Variants in SH3BP4 observed in about 807,000 individuals in gnomAD.
The protein encoded by SH3BP4 is SH3 domain binding protein 4.
SH3BP4 carries 33 observed loss-of-function variants against 65.5 expected under a neutral mutation model. That is an observed-to-expected ratio of 0.50 (90% CI 0.38 to 0.67). The LOEUF is 0.67. SH3BP4 is among the 30% of genes least tolerant of loss of function. The pLI is 0.00. For synonymous variants in SH3BP4, 552 were observed against 545.5 expected (o/e 1.01, Z -0.17); for missense variants, 1,134 against 1,261.4 (o/e 0.90, Z 1.53).
At chr2:235,039,494 GAA>G (rs1695567829) in intron 3 of SH3BP4, among the ~76,000 whole-genome samples, 1 of 147,586 alleles carries the variant, frequency 6.8e-6, no homozygotes, top group African/African-American at 2.5e-5. Context: ...AAAAAAAAAA[GAA>G]AGAAAGAAAG....
At chr2:234,998,746 T>C (rs2106279938) in intron 2 of SH3BP4, among the ~76,000 whole-genome samples, 1 of 152,332 alleles carries the variant, frequency 6.6e-6, no homozygotes, top group East Asian at 1.9e-4. Context: ...TGGCTACCAC[T>C]AATTGGTTTA....
In SH3BP4 at chr2:235,045,688, G is replaced by A. The variant is rs903458397; in HGVS notation, c.2478+2441G>A. On this transcript the variant is annotated intron_variant, in intron 4 of 5. Transcript: ENST00000392011. The surrounding 1 kb of genome is among the most constrained non-coding windows in gnomAD (Gnocchi z 4.3). The stretch of plus-strand genomic sequence containing the variant: ...ACCACAGACGGATTTCTCCCAGGTC[G>A]TTTATTAGGAGACCCTGAAAACTGG... 2.0e-5 allele frequency among the ~76,000 whole-genome samples: 3 copies of A among 151,338 alleles called. No homozygotes were observed. The highest frequency in any genetic ancestry group is 4.4e-5 in the Non-Finnish European group (3 of 67,952).
chr2:234,969,535 C>T (rs1692925552), intron 1 of SH3BP4, among the ~76,000 whole-genome samples: 1 of 152,354 alleles, frequency 6.6e-6, no homozygotes, highest in South Asian at 2.1e-4. Flanking sequence ...CAGTTGTCGC[C>T]TTCCAGCTAT....
At chr2:234,975,987 T>C (rs1414716305) in intron 1 of SH3BP4, among the ~76,000 whole-genome samples, 4 of 152,238 alleles carry the variant, frequency 2.6e-5, no homozygotes, top group Non-Finnish European at 5.9e-5. Flanking sequence ...CTATTTCTTT[T>C]CTCCAGCCTC....
Position 235,033,793 on chromosome 2 carries a change from A to G in SH3BP4, c.-132-1078A>G, listed in dbSNP as rs1695279472. Reference sequence around the variant, plus strand: ...CAGGGCTCCCACCCGGCTGCTGCAGAAACGTTGCAAAGGGTGGTGTCAGGG... The same window carrying G: ...CAGGGCTCCCACCCGGCTGCTGCAGGAACGTTGCAAAGGGTGGTGTCAGGG... On this transcript the variant is annotated intron_variant, in intron 2 of 5. Coordinates refer to ENST00000392011, the MANE Select transcript of SH3BP4 (RefSeq NM_014521.3). The surrounding 1 kb of genome is among the most constrained non-coding windows in gnomAD (Gnocchi z 5.7). Among the ~76,000 whole-genome samples the G allele has an allele frequency of 6.6e-6, 1 of 152,192 alleles. No individual in the cohort carries two copies. The highest frequency in any genetic ancestry group is 1.5e-5 in the Non-Finnish European group (1 of 68,026).
intron 1 of SH3BP4, among the ~76,000 whole-genome samples, chr2:234,963,283 C>T (rs1692757122): frequency 2.0e-5 from 3 of 152,200 alleles, no homozygotes; most frequent in Admixed American, 6.5e-5. Flanking sequence ...TTAAGTTTCT[C>T]ATTTGAATGA....
At position 234,967,115 on chromosome 2, in the gene SH3BP4, A is replaced by G. The variant is rs1280468428; in HGVS notation, c.-207+14945A>G. On this transcript the variant is annotated intron_variant, in intron 1 of 5. Coordinates refer to ENST00000392011, the MANE Select transcript of SH3BP4 (RefSeq NM_014521.3). The surrounding 1 kb of genome is among the most constrained non-coding windows in gnomAD (Gnocchi z 4.6). Reference sequence around the variant, plus strand: ...CTGTCTCTGTTTAACAGATCGGGAAACTGAGGAACCATGGGGTTTAGGGAC... The same window carrying G: ...CTGTCTCTGTTTAACAGATCGGGAAGCTGAGGAACCATGGGGTTTAGGGAC... Among the ~76,000 whole-genome samples the G allele has an allele frequency of 2.0e-5, 3 of 152,198 alleles. No individual in the cohort carries two copies. The highest frequency in any genetic ancestry group is 7.2e-5 in the African/African-American group (3 of 41,450).
intron 1 of SH3BP4, among the ~76,000 whole-genome samples, chr2:234,975,400 A>T (rs1287823074): frequency 1.3e-5 from 2 of 152,148 alleles, no homozygotes; most frequent in Admixed American, 6.6e-5. Context: ...TCTGCACCTA[A>T]GCACAGTGTC....
intron 1 of SH3BP4, among the ~76,000 whole-genome samples, chr2:234,958,440 G>A (rs544549136): frequency 6.6e-6 from 1 of 152,058 alleles, no homozygotes; most frequent in Non-Finnish European, 1.5e-5. Context: ...GGTGTCTGGG[G>A]AAGGGTCTGT....
At chr2:235,038,929 G>A (rs898546088) in intron 3 of SH3BP4, among the ~76,000 whole-genome samples, 4 of 152,120 alleles carry the variant, frequency 2.6e-5, no homozygotes, top group Admixed American at 2.0e-4. Flanking sequence ...GATAACATTG[G>A]GGCCAGGAGA....
rs533051698 is a variant in SH3BP4 at position 235,045,885 on chromosome 2, A to T, written c.2478+2638A>T. ...TTGGGTTGGAAACAGTGTTTAAATG[A>T]TGGGGAAAATGTGAGAGTTTGAGAC... is the stretch of plus-strand genomic sequence containing the variant. On this transcript the variant is annotated intron_variant, in intron 4 of 5. Coordinates refer to ENST00000392011, the MANE Select transcript of SH3BP4 (RefSeq NM_014521.3). This position sits in a 1 kb window ranked among gnomAD's most constrained non-coding sequence, Gnocchi z 4.3. Among the ~76,000 whole-genome samples, 54 of 152,200 alleles carry T rather than the reference A, an allele frequency of 3.5e-4. 1 individual carries two copies. The Middle Eastern group carries it at 0.01, about 29-fold the overall frequency.
chr2:234,958,449 G>C (rs1692636010), intron 1 of SH3BP4, among the ~76,000 whole-genome samples: 1 of 152,088 alleles, frequency 6.6e-6, no homozygotes, highest in Non-Finnish European at 1.5e-5. Context: ...GGAAGGGTCT[G>C]TCCTGCTGGC....
At position 234,997,854 on chromosome 2, in the gene SH3BP4, G is replaced by A. The variant is rs188512027; in HGVS notation, c.-133+2478G>A. ...GAAGAATCAGAAGACTGGGTGCGGT[G>A]GCTCATGCCTGTAATCCCAGCACTT... On this transcript the variant is annotated intron_variant, in intron 2 of 5. Coordinates refer to ENST00000392011, the MANE Select transcript of SH3BP4 (RefSeq NM_014521.3). This position sits in a 1 kb window ranked among gnomAD's most constrained non-coding sequence, Gnocchi z 4.2. Among the ~76,000 whole-genome samples the A allele has an allele frequency of 3.2e-3, 484 of 152,308 alleles. 3 individuals carry two copies. Among genetic ancestry groups the A allele is most frequent in the African/African-American group, 0.011 (476 of 41,564 alleles).
Position 235,053,880 on chromosome 2 carries a change from G to A in SH3BP4, c.*64G>A. The A allele has an allele frequency of 7.6e-7, 1 of 1,318,296 alleles. No homozygotes were observed. Among genetic ancestry groups the A allele is most frequent in the South Asian group, 1.2e-5 (1 of 84,340 alleles). 81.7% of individuals were successfully genotyped at this position (1,318,296 alleles called of 1,614,324 possible). A position where few individuals can be genotyped will look rare whatever the true frequency, so the allele number is the denominator to read the frequency against. On this transcript the variant is annotated 3_prime_UTR_variant, in exon 6 of 6. Transcript: ENST00000392011. Reference sequence around the variant, plus strand: ...CCTCTTCTGCCCTGCGTGCCCTGCTGTCACCGCGGAGCTGAAGAGGGAGGA... The same window carrying A: ...CCTCTTCTGCCCTGCGTGCCCTGCTATCACCGCGGAGCTGAAGAGGGAGGA...
rs1695000273 is a variant in SH3BP4, at chr2:235,026,308, G to C, written c.-132-8563G>C. ...TGGAATCATGACTCCAGCCGCGCTA[G>C]CCATCTCACTTTTTACAATAAAAAC... On this transcript the variant is annotated intron_variant, in intron 2 of 5. Coordinates refer to ENST00000392011, the MANE Select transcript of SH3BP4 (RefSeq NM_014521.3). The surrounding 1 kb of genome is among the most constrained non-coding windows in gnomAD (Gnocchi z 4.6). 6.6e-6 allele frequency among the ~76,000 whole-genome samples: 1 copy of C among 152,114 alleles called. No individual in the cohort carries two copies.
chr2:235,027,528 G>A (rs978774234), intron 2 of SH3BP4, among the ~76,000 whole-genome samples: 7 of 152,200 alleles, frequency 4.6e-5, no homozygotes, highest in Non-Finnish European at 7.3e-5. Context: ...AGTTTCCATC[G>A]ACAGAGCTGG....
rs376327076 is a variant in SH3BP4, at chr2:235,027,189, TC to T, written c.-132-7681del. Among the ~76,000 whole-genome samples the T allele has an allele frequency of 2.0e-4, 30 of 152,366 alleles. 1 individual carries two copies. Among genetic ancestry groups the T allele is most frequent in the African/African-American group, 6.0e-4 (25 of 41,588 alleles). ...GGAGGGACACCAGTCGGGTGTTGAC[TC>T]TACTTGGGCTGTTGCCCAGACCAGT... On this transcript the variant is annotated intron_variant, in intron 2 of 5. Transcript: ENST00000392011.
At chr2:235,038,894 G>T (rs9677589) in intron 3 of SH3BP4, among the ~76,000 whole-genome samples, 33,655 of 152,092 alleles carry the variant, frequency 0.22, 5,349 homozygotes, top group East Asian at 0.42. Context: ...TGATGTAGTG[G>T]TTGGTGGTAA....
rs1044937029 is a variant in SH3BP4 at position 234,976,783 on chromosome 2, C to G, written c.-206-18520C>G. Among the ~76,000 whole-genome samples, 3 of 152,084 alleles carry G rather than the reference C, an allele frequency of 2.0e-5. No homozygotes were observed. Among genetic ancestry groups the G allele is most frequent in the Admixed American group, 2.0e-4 (3 of 15,272 alleles). ...CAGCCGAGGGGCGTCTTACAGAATA[C>G]CTAACCAGGCCTCCTCTACTGTCAA... On this transcript the variant is annotated intron_variant, in intron 1 of 5. Transcript: ENST00000392011. This position sits in a 1 kb window ranked among gnomAD's most constrained non-coding sequence, Gnocchi z 4.7.
Sources: gnomAD v4.1 joint callset for allele counts (sites outside exome capture counted in the v4.1 genomes callset) on GRCh38, gnomAD v4.1.1 for gene constraint, Gnocchi (gnomAD v3.1) non-coding constraint, MANE v1.5 for transcripts, NCBI Gene and HGNC (gene_info 2026-07-23, HGNC 2026-07-21) for gene names.